The following SPATA16 variants were observed in gnomAD, a reference collection of about 807,000 sequenced individuals.
SPATA16 encodes the protein spermatogenesis-associated protein 16.
A neutral mutation model predicts 63.3 loss-of-function variants in SPATA16; 36 were observed. The observed-to-expected ratio is 0.57, with a 90% CI of 0.44 to 0.75. The LOEUF (loss-of-function observed/expected upper bound fraction) is 0.75. Ranked by LOEUF, SPATA16 falls within the 30% of genes least tolerant of loss-of-function variation. The pLI is 0.00. For missense variants in SPATA16, 646 were observed against 679.3 expected, an observed-to-expected ratio of 0.95 and a Z score of 0.54; for synonymous variants, 203 against 216.7, an observed-to-expected ratio of 0.94 and a Z score of 0.56.
intron 2 of SPATA16, among the ~76,000 whole-genome samples, chr3:173,106,330 T>G (rs1397292442): frequency 2.0e-5 from 3 of 152,168 alleles, no homozygotes; most frequent in African/African-American, 4.8e-5. Flanking sequence ...TCTCTTTATA[T>G]TCTCTCATAC....
At chr3:172,961,008 TTCTTTCTTTTTCTCTC>T (rs1733752861) in intron 5 of SPATA16, among the ~76,000 whole-genome samples, 1 of 145,634 alleles carries the variant, frequency 6.9e-6, no homozygotes, top group Non-Finnish European at 1.5e-5. Flanking sequence ...TTCTCTTTCT[TTCTTTCTTTTTCTCTC>T]TTTCTCTCTT....
At chr3:173,113,822 T>G (rs570959891) in intron 2 of SPATA16, among the ~76,000 whole-genome samples, 1 of 152,322 alleles carries the variant, frequency 6.6e-6, no homozygotes, top group East Asian at 1.9e-4. Context: ...GGTCTCACCT[T>G]TAACCACAAC....
intron 3 of SPATA16, 152 bp downstream of exon 3, chr3:173,048,797 A>G (rs748066973): frequency 1.8e-5 from 18 of 973,360 alleles, no homozygotes; most frequent in Non-Finnish European, 2.3e-5. Flanking sequence ...TGTGGTCTCC[A>G]TGATTGCCTC....
At chr3:172,912,871 A>G (rs992089275) in intron 10 of SPATA16, among the ~76,000 whole-genome samples, 14 of 152,212 alleles carry the variant, frequency 9.2e-5, no homozygotes, top group Non-Finnish European at 1.5e-4. Context: ...TCAACTGTAT[A>G]TCACAGGGCC....
chr3:172,900,438 T>A (rs550171723), intron 10 of SPATA16, among the ~76,000 whole-genome samples: 1 of 152,340 alleles, frequency 6.6e-6, no homozygotes, highest in East Asian at 1.9e-4. Flanking sequence ...CTTAAATTTA[T>A]AATTTTGTCT....
chr3:172,937,702 A>C (rs895039480), intron 6 of SPATA16, among the ~76,000 whole-genome samples: 2 of 152,194 alleles, frequency 1.3e-5, no homozygotes, highest in Non-Finnish European at 1.5e-5. Context: ...ATATATACCC[A>C]GGGGGTATAT....
chr3:173,100,740 T>C (rs981057288), intron 2 of SPATA16, among the ~76,000 whole-genome samples: 1 of 150,384 alleles, frequency 6.6e-6, no homozygotes, highest in South Asian at 2.1e-4. Context: ...TTTTTACAAT[T>C]AATTTTAAAA....
At chr3:173,038,559 A>G (rs1735768731) in intron 3 of SPATA16, among the ~76,000 whole-genome samples, 1 of 152,002 alleles carries the variant, frequency 6.6e-6, no homozygotes, top group Non-Finnish European at 1.5e-5. Context: ...TACCTATTTC[A>G]GTTTTTCACC....
intron 2 of SPATA16, among the ~76,000 whole-genome samples, chr3:173,091,047 A>G (rs571529401): frequency 8.8e-4 from 102 of 116,364 alleles, no homozygotes; most frequent in African/African-American, 2.6e-3. Flanking sequence ...AGCTTCTGGG[A>G]AAAAAAAAGT....
chr3:173,112,667 C>T (rs1323422724), intron 2 of SPATA16, among the ~76,000 whole-genome samples: 2 of 152,118 alleles, frequency 1.3e-5, no homozygotes, highest in Non-Finnish European at 2.9e-5. Context: ...ATACAAAGAG[C>T]TCCATAAATG....
chr3:172,919,027 T>G (rs1191096335), intron 8 of SPATA16, among the ~76,000 whole-genome samples: 1 of 152,258 alleles, frequency 6.6e-6, no homozygotes, highest in Non-Finnish European at 1.5e-5. Flanking sequence ...ATTGTTCATT[T>G]CAAATGTGCA....
chr3:172,892,394 A>G (rs1731910437), intron 10 of SPATA16, among the ~76,000 whole-genome samples: 1 of 152,222 alleles, frequency 6.6e-6, no homozygotes, highest in Non-Finnish European at 1.5e-5. Context: ...ATTTCCAAAG[A>G]CACATCTGGT....
chr3:173,071,060 T>C (rs1736663617), intron 2 of SPATA16, among the ~76,000 whole-genome samples: 1 of 152,148 alleles, frequency 6.6e-6, no homozygotes, highest in African/African-American at 2.4e-5. Flanking sequence ...GCCTTCAAAT[T>C]ATACTAGAAA....
intron 2 of SPATA16, among the ~76,000 whole-genome samples, chr3:173,067,506 T>C (rs1332928255): frequency 6.6e-6 from 1 of 152,126 alleles, no homozygotes; most frequent in African/African-American, 2.4e-5. Context: ...TCTAATTACA[T>C]GGGTGACAAA....
intron 10 of SPATA16, among the ~76,000 whole-genome samples, chr3:172,908,260 C>G (rs1458523639): frequency 1.3e-5 from 2 of 152,100 alleles, no homozygotes; most frequent in Non-Finnish European, 2.9e-5. Context: ...ATGTTCTATC[C>G]TTAATTAAAT....
chr3:173,007,189 A>C (rs1734963625), intron 4 of SPATA16, among the ~76,000 whole-genome samples: 2 of 152,214 alleles, frequency 1.3e-5, no homozygotes, highest in South Asian at 4.1e-4. Context: ...ATAAGACTGC[A>C]TGAGATGTTT....
intron 2 of SPATA16, among the ~76,000 whole-genome samples, chr3:173,112,274 C>T (rs1365436066): frequency 6.6e-6 from 1 of 152,182 alleles, no homozygotes; most frequent in Non-Finnish European, 1.5e-5. Flanking sequence ...AATGTAGGGG[C>T]CAAACTTCAA....
At chr3:173,010,247 C>T (rs1290958632) in intron 4 of SPATA16, among the ~76,000 whole-genome samples, 2 of 152,114 alleles carry the variant, frequency 1.3e-5, no homozygotes, top group East Asian at 1.9e-4. Flanking sequence ...GGCCATTGTG[C>T]CCCCCTCTGT....
At chr3:172,973,049 T>G (rs2108248120) in intron 5 of SPATA16, among the ~76,000 whole-genome samples, 1 of 152,318 alleles carries the variant, frequency 6.6e-6, no homozygotes, top group African/African-American at 2.4e-5. Flanking sequence ...TAGTAGAGAC[T>G]TTGTGAATCA....
Sources: gnomAD v4.1 joint callset for allele counts (sites outside exome capture counted in the v4.1 genomes callset) on GRCh38, gnomAD v4.1.1 for gene constraint, MANE v1.5 for transcripts, NCBI Gene and HGNC (gene_info 2026-07-23, HGNC 2026-07-21) for gene names.